The following ERCC6 variants were observed in gnomAD, a reference collection of about 807,000 sequenced individuals.
ERCC6 encodes the protein ERCC excision repair 6, chromatin remodeling factor, also known as DNA excision repair protein ERCC-6.
In ERCC6, 116 loss-of-function variants were observed where a neutral mutation model predicts 158.7. The observed-to-expected ratio is 0.73, with a 90% CI of 0.63 to 0.85. The LOEUF (loss-of-function observed/expected upper bound fraction) is 0.85, where lower values mean the gene tolerates loss of function less well. ERCC6 is among the 40% of genes least tolerant of loss of function. The pLI is 0.00. For synonymous variants in ERCC6, 678 were observed against 659.3 expected, an observed-to-expected ratio of 1.03 and a Z score of -0.43; for missense variants, 1,698 against 1,799.4, an observed-to-expected ratio of 0.94 and a Z score of 1.02.
Position 49,505,877 on chromosome 10 carries a change from T to C in ERCC6, c.1526+7A>G, listed in dbSNP as rs752009034. Reference sequence around the variant, plus strand: ...CAAATAGAAAGGAAAGAACATATGGTACATACTTAAAAAGCTTTTTGAACA... The same window carrying C: ...CAAATAGAAAGGAAAGAACATATGGCACATACTTAAAAAGCTTTTTGAACA... On this transcript the variant is annotated splice_region_variant and intron_variant, in intron 6 of 20. Transcript: ENST00000355832. The C allele has an allele frequency of 1.2e-6, 2 of 1,612,964 alleles. No homozygotes were observed. Among genetic ancestry groups the C allele is most frequent in the East Asian group, 4.5e-5 (2 of 44,820 alleles).
At chr10:49,534,140 A>AT (rs1265512334) in intron 1 of ERCC6, among the ~76,000 whole-genome samples, 1 of 147,238 alleles carries the variant, frequency 6.8e-6, no homozygotes, top group African/African-American at 2.5e-5. Flanking sequence ...TCTCAAAAAA[A>AT]AAAAAAAAAA....
At position 49,536,117 on chromosome 10, in the gene ERCC6, G is replaced by A. The variant is rs561909917; in HGVS notation, c.-15+2845C>T. The stretch of plus-strand genomic sequence containing the variant: ...GGCAACAAGAGTGAAACTCTGTCTC[G>A]AAAAAATAAAAAAGTTTCAGTGGAG... On this transcript the variant is annotated intron_variant, in intron 1 of 20. Coordinates refer to ENST00000355832, the MANE Select transcript of ERCC6 (RefSeq NM_000124.4). Among the ~76,000 whole-genome samples the A allele has an allele frequency of 1.8e-3, 267 of 152,156 alleles. 1 individual carries two copies. The highest frequency in any genetic ancestry group is 6.1e-3 in the African/African-American group (255 of 41,508).
intron 8 of ERCC6, among the ~76,000 whole-genome samples, chr10:49,486,088 C>A (rs1014582083): frequency 1.3e-5 from 2 of 151,990 alleles, no homozygotes; most frequent in African/African-American, 4.8e-5. Flanking sequence ...AATGGGGATG[C>A]CACAATAAGA....
intron 20 of ERCC6, 60 bp from the exon 21 acceptor site, chr10:49,459,294 T>C: frequency 1.3e-6 from 2 of 1,579,386 alleles, no homozygotes; most frequent in Non-Finnish European, 1.7e-6. Flanking sequence ...CCCCACTTCC[T>C]TCCCCAAAGG....
chr10:49,484,278 CAAAAAAAAAAAAAGAA>C (rs1264508171), intron 8 of ERCC6, among the ~76,000 whole-genome samples: 1 of 96,078 alleles, frequency 1.0e-5, no homozygotes, highest in Non-Finnish European at 2.0e-5. Context: ...GACTCTGCCT[CAAAAAAAAAAAAAGAA>C]AAAAAAAAAA....
intron 19 of ERCC6, 38 bp downstream of exon 19, chr10:49,461,314 T>A (rs1344842104): frequency 6.3e-7 from 1 of 1,592,614 alleles, no homozygotes; most frequent in Non-Finnish European, 8.6e-7. Context: ...CTTAGTTGTT[T>A]GGACTCCTTG....
At chr10:49,538,343 A>AAAC (rs2132650167) in intron 1 of ERCC6, among the ~76,000 whole-genome samples, 1 of 152,364 alleles carries the variant, frequency 6.6e-6, no homozygotes, top group East Asian at 1.9e-4. Context: ...ATGACTCTGA[A>AAAC]AACTGTTAAG....
chr10:49,495,062 TGGGACAAA>T (rs1851244056), intron 7 of ERCC6, among the ~76,000 whole-genome samples: 1 of 152,304 alleles, frequency 6.6e-6, no homozygotes, highest in Non-Finnish European at 1.5e-5. Flanking sequence ...CCTGCCCTTC[TGGGACAAA>T]GGGACAGTGT....
intron 2 of ERCC6, among the ~76,000 whole-genome samples, chr10:49,531,524 G>C (rs1837468786): frequency 6.6e-6 from 1 of 152,116 alleles, no homozygotes; most frequent in African/African-American, 2.4e-5. Flanking sequence ...CATGCCACCA[G>C]CCATCTAGCA....
rs1850457505 is a variant in ERCC6 at position 49,454,690 on chromosome 10, T to G, written c.*4125A>C. Among the ~76,000 whole-genome samples, 1 of 151,908 alleles carries G rather than the reference T, an allele frequency of 6.6e-6. No homozygotes were observed. The highest frequency in any genetic ancestry group is 2.4e-5 in the African/African-American group (1 of 41,190). ...AAAGATATTTCAATGTTAGAAAATTTAACTGTGTACTTTACTACACCAAGA... is the reference window on the plus strand; with the variant it reads ...AAAGATATTTCAATGTTAGAAAATTGAACTGTGTACTTTACTACACCAAGA... On this transcript the variant is annotated 3_prime_UTR_variant, in exon 21 of 21. Transcript: ENST00000355832.
chr10:49,528,408 C>A lies in ERCC6; in HGVS notation c.652+9G>T, dbSNP rs375032247. 3.0e-5 allele frequency: 48 copies of A among 1,614,040 alleles called. No homozygotes were observed. In the African/African-American group the frequency reaches 6.4e-4, roughly 22 times the overall value. On this transcript the variant is annotated intron_variant, in intron 4 of 20. Transcript: ENST00000355832. ...AAGAACACAGAGAAACTGCTCCTAG[C>A]ATCCTCACCTGCATCCTCCTCCAGA...
At chr10:49,505,758 GT>G in intron 6 of ERCC6, 125 bp downstream of exon 6, 1 of 1,118,220 alleles carries the variant, frequency 8.9e-7, no homozygotes, top group Non-Finnish European at 1.3e-6. Context: ...GACAGTATCT[GT>G]TTTTGCAACA....
At chr10:49,466,881 G>C (rs1032967027) in intron 18 of ERCC6, among the ~76,000 whole-genome samples, 6 of 152,074 alleles carry the variant, frequency 3.9e-5, no homozygotes, top group East Asian at 1.9e-4. Flanking sequence ...CCACTTCCCA[G>C]GTTCAAGCGA....
intron 11 of ERCC6, 88 bp from the exon 12 acceptor site, chr10:49,476,398 A>C: frequency 1.2e-6 from 1 of 865,770 alleles, no homozygotes; most frequent in Non-Finnish European, 1.9e-6. Flanking sequence ...CCTGATCAAA[A>C]GAGCACAATG....
chr10:49,499,226 ATT>A (rs1298330672), intron 7 of ERCC6, among the ~76,000 whole-genome samples: 1 of 152,218 alleles, frequency 6.6e-6, no homozygotes, highest in Non-Finnish European at 1.5e-5. Flanking sequence ...GATGTTTAGC[ATT>A]TAAAAATCTC....
At chr10:49,493,774 C>T (rs1324641365) in intron 7 of ERCC6, among the ~76,000 whole-genome samples, 1 of 152,156 alleles carries the variant, frequency 6.6e-6, no homozygotes, top group Non-Finnish European at 1.5e-5. Flanking sequence ...ACATGGCTAC[C>T]AGGGGACAGA....
chr10:49,490,635 G>A (rs569825637), intron 8 of ERCC6, among the ~76,000 whole-genome samples: 2 of 152,302 alleles, frequency 1.3e-5, no homozygotes, highest in South Asian at 2.1e-4. Flanking sequence ...TTACAGGCAT[G>A]AGCCACCACG....
At chr10:49,447,151 G>A in the ERCC6 span, among the ~76,000 whole-genome samples, 1 of 151,960 alleles carries the variant, frequency 6.6e-6, no homozygotes, top group East Asian at 1.9e-4. Flanking sequence ...TAATGAAACT[G>A]CAGAACACCA....
chr10:49,473,969 G>T, intron 13 of ERCC6, 58 bp downstream of exon 13: 1 of 1,449,188 alleles, frequency 6.9e-7, no homozygotes. Context: ...CCCATTTTGT[G>T]AGTTGATGGC....
Sources: gnomAD v4.1 joint callset for allele counts (sites outside exome capture counted in the v4.1 genomes callset) on GRCh38, gnomAD v4.1.1 for gene constraint, MANE v1.5 for transcripts, NCBI Gene and HGNC (gene_info 2026-07-23, HGNC 2026-07-21) for gene names.